THNSL1: variants seen among roughly 807,000 people sequenced by gnomAD.
The protein encoded by THNSL1 is threonine synthase-like 1.
THNSL1 carries 48 observed loss-of-function variants against 50.4 expected under a neutral mutation model. That is an observed-to-expected ratio of 0.95 (90% confidence interval 0.76 to 1.21). The LOEUF (loss-of-function observed/expected upper bound fraction) is 1.21, where lower values mean the gene tolerates loss of function less well. THNSL1 is among the 50% of genes most tolerant of loss of function. The pLI is 0.00. For synonymous variants in THNSL1, 309 were observed against 306.1 expected (o/e 1.01, Z -0.10); for missense variants, 896 against 871.7 (o/e 1.03, Z -0.35).
chr10:25,005,287 A>G, the THNSL1 span, among the ~76,000 whole-genome samples: 22 of 152,216 alleles, frequency 1.4e-4, no homozygotes, highest in African/African-American at 5.3e-4. Context: ...CATCTTCAGA[A>G]AACATACCAA....
chr10:25,007,720 G>A, the THNSL1 span, among the ~76,000 whole-genome samples: 2 of 151,974 alleles, frequency 1.3e-5, no homozygotes, highest in Non-Finnish European at 2.9e-5. Flanking sequence ...AGGCTTGAGC[G>A]ACTGCGCCCA....
At chr10:24,984,852 G>A in the THNSL1 span, 5 of 1,613,418 alleles carry the variant, frequency 3.1e-6, no homozygotes, top group Non-Finnish European at 4.2e-6. Flanking sequence ...AATCTATAAA[G>A]ACCGAGAGGG....
At chr10:24,975,888 G>A in the THNSL1 span, among the ~76,000 whole-genome samples, 1 of 152,180 alleles carries the variant, frequency 6.6e-6, no homozygotes, top group Non-Finnish European at 1.5e-5. Flanking sequence ...GATAAGACTT[G>A]ATAGAATTTC....
the THNSL1 span, chr10:24,952,643 G>T: frequency 7.3e-7 from 1 of 1,376,112 alleles, no homozygotes; most frequent in Admixed American, 2.0e-5. This position sits in a 1 kb window ranked among gnomAD's most constrained non-coding sequence, Gnocchi z 5.1. Flanking sequence ...AGGCTGCGTG[G>T]GGGATGGGAC....
chr10:25,020,944 G>C (rs74122929), intron 1 of THNSL1, among the ~76,000 whole-genome samples: 1 of 152,254 alleles, frequency 6.6e-6, no homozygotes, highest in African/African-American at 2.4e-5. Flanking sequence ...TTAAAGTCCA[G>C]TACCAGAATA....
At chr10:24,996,068 A>C in the THNSL1 span, among the ~76,000 whole-genome samples, 3 of 152,342 alleles carry the variant, frequency 2.0e-5, no homozygotes, top group Non-Finnish European at 4.4e-5. Flanking sequence ...TTTACCTGTC[A>C]ATCAGGCCTC....
chr10:25,005,883 G>A, the THNSL1 span, among the ~76,000 whole-genome samples: 1 of 152,204 alleles, frequency 6.6e-6, no homozygotes, highest in Non-Finnish European at 1.5e-5. Context: ...AATATCAAAA[G>A]AGTATGTAGT....
chr10:25,003,216 CTGTTGCCCAGGCTGGAGTGCAGTGG>C, the THNSL1 span, among the ~76,000 whole-genome samples: 9 of 151,782 alleles, frequency 5.9e-5, no homozygotes, highest in Non-Finnish European at 7.4e-5. Flanking sequence ...TTTGCCCGCT[CTGTTGCCCAGGCTGGAGTGCAGTGG>C]TGTTGCCCAG....
chr10:24,990,348 G>A, the THNSL1 span: 2 of 1,356,686 alleles, frequency 1.5e-6, no homozygotes, highest in East Asian at 2.4e-5. Context: ...AACCCAAAGA[G>A]ATTGTTCTGA....
chr10:25,021,362 G>A (rs7100581), intron 1 of THNSL1, among the ~76,000 whole-genome samples: 3,621 of 152,228 alleles, frequency 0.024, 138 homozygotes, highest in African/African-American at 0.082. Flanking sequence ...AGATAATATA[G>A]CCTAAAAAAC....
the THNSL1 span, among the ~76,000 whole-genome samples, chr10:24,971,407 C>T: frequency 6.6e-6 from 1 of 151,994 alleles, no homozygotes; most frequent in African/African-American, 2.4e-5. Flanking sequence ...ACCTGGTCAC[C>T]CATTGCTTTT....
chr10:24,956,785 G>A, the THNSL1 span, among the ~76,000 whole-genome samples: 1 of 152,190 alleles, frequency 6.6e-6, no homozygotes, highest in Admixed American at 6.5e-5. Context: ...GTACCAGCCT[G>A]TGGCCTGTTA....
In THNSL1 at chr10:25,026,413, T is replaced by C. The variant is rs1385903248; in HGVS notation, c.*958T>C. On this transcript the variant is annotated 3_prime_UTR_variant, in exon 3 of 3. Coordinates refer to ENST00000376356, the MANE Select transcript of THNSL1 (RefSeq NM_024838.5). ...TTTCAAGAGGAAGGTTTTCCAAAAT[T>C]AAGAGTACTTGAGTAGTCTCAATAG... is the stretch of plus-strand genomic sequence containing the variant. The C allele has an allele frequency of 6.0e-6, 1 of 167,062 alleles. No homozygotes were observed. Among genetic ancestry groups the C allele is most frequent in the African/African-American group, 2.4e-5 (1 of 41,474 alleles). The allele number at this position is 167,062 out of a possible 1,614,324, so 10.3% of individuals were successfully genotyped here.
the THNSL1 span, among the ~76,000 whole-genome samples, chr10:24,967,646 G>A: frequency 1.3e-5 from 2 of 151,954 alleles, no homozygotes; most frequent in Non-Finnish European, 2.9e-5. Flanking sequence ...TCCTATGTGC[G>A]TGTGTGTGTA....
the THNSL1 span, among the ~76,000 whole-genome samples, chr10:25,009,931 C>T: frequency 1.9e-4 from 29 of 152,288 alleles, no homozygotes; most frequent in Non-Finnish European, 4.1e-4. Context: ...ATTACCTACT[C>T]TTGGGTATGT....
chr10:25,019,435 C>CT (rs1465598028), intron 1 of THNSL1, among the ~76,000 whole-genome samples: 1 of 152,168 alleles, frequency 6.6e-6, no homozygotes, highest in African/African-American at 2.4e-5. Flanking sequence ...GATTGTGCCA[C>CT]TGCACTCCTG....
At position 25,024,873 on chromosome 10, in the gene THNSL1, T is replaced by C. The variant is rs1178512352; in HGVS notation, c.1650T>C (p.Asp550=). The change falls in exon 3 of 3, where the codon GAT becomes GAC. Residue 550 remains aspartate, a synonymous_variant. Coordinates refer to ENST00000376356, the MANE Select transcript of THNSL1 (RefSeq NM_024838.5). ...LTDFIKTGHY[D]LRERKLAQTF... is the part of the protein sequence containing the mutation. ...ATTTTATAAAAACAGGACATTATGA[T>C]CTAAGGGAAAGAAAACTAGCACAAA... 7 of 1,613,984 alleles carry C rather than the reference T, an allele frequency of 4.3e-6. No homozygotes were observed. Among genetic ancestry groups the C allele is most frequent in the Non-Finnish European group, 5.9e-6 (7 of 1,180,024 alleles).
At chr10:24,968,017 G>C in the THNSL1 span, among the ~76,000 whole-genome samples, 1 of 151,662 alleles carries the variant, frequency 6.6e-6, no homozygotes, top group African/African-American at 2.4e-5. Flanking sequence ...GTGTGTGTGT[G>C]TGTGTGTGTG....
chr10:25,012,263 C>T (rs879643002), upstream of THNSL1, among the ~76,000 whole-genome samples: 1 of 152,232 alleles, frequency 6.6e-6, no homozygotes, highest in Non-Finnish European at 1.5e-5. Context: ...TCTGCTAGGG[C>T]AGTGTGGAAG....
Sources: allele counts gnomAD v4.1 joint callset (sites outside exome capture counted in the v4.1 genomes callset), GRCh38; gene constraint gnomAD v4.1.1; non-coding constraint Gnocchi (gnomAD v3.1); transcripts MANE v1.5; gene names NCBI Gene and HGNC (gene_info 2026-07-23, HGNC 2026-07-21).